GATAD2B: variants seen among roughly 807,000 people sequenced by gnomAD.
GATAD2B encodes transcriptional repressor p66-beta.
GATAD2B carries 8 observed loss-of-function variants against 64.3 expected under a neutral mutation model. The ratio of observed to expected loss-of-function variants is 0.12; its 90% CI spans 0.07 to 0.22. The LOEUF (loss-of-function observed/expected upper bound fraction) is 0.22. Ranked by LOEUF, GATAD2B falls within the 10% of genes least tolerant of loss-of-function variation. GATAD2B has a pLI of 1.00. For missense variants in GATAD2B, 453 were observed against 752.0 expected (o/e 0.60, Z 4.65); for synonymous variants, 281 against 271.3 (o/e 1.04, Z -0.35).
intron 1 of GATAD2B, among the ~76,000 whole-genome samples, chr1:153,912,313 T>G (rs1355834518): frequency 1.3e-5 from 2 of 152,188 alleles, no homozygotes; most frequent in African/African-American, 4.8e-5. Context: ...AAGGCTAAGT[T>G]GGTTGACACA....
At position 153,853,276 on chromosome 1, in the gene GATAD2B, C is replaced by T. The variant is rs959678641; in HGVS notation, c.-1-24928G>A. 9.7e-6 allele frequency: 9 copies of T among 928,784 alleles called. No homozygotes were observed. In the Admixed American group the frequency reaches 1.5e-4, roughly 16 times the overall value. The allele number at this position is 928,784 out of a possible 1,614,324, so 57.5% of individuals were successfully genotyped here. A position where few individuals can be genotyped will look rare whatever the true frequency, so the allele number is the denominator to read the frequency against. On this transcript the variant is annotated intron_variant, in intron 1 of 10. Transcript: ENST00000368655. ...TCACACCCTTCCCTGCCATCTCACA[C>T]ACAGACTTCAAGTAGGACACTGGTC...
At chr1:153,844,111 A>G (rs1675596792) in intron 1 of GATAD2B, among the ~76,000 whole-genome samples, 1 of 152,136 alleles carries the variant, frequency 6.6e-6, no homozygotes, top group Non-Finnish European at 1.5e-5. Context: ...GCTGCAGAGA[A>G]AGTCTCAGAA....
chr1:153,898,064 G>C (rs959288419), intron 1 of GATAD2B, among the ~76,000 whole-genome samples: 1 of 150,056 alleles, frequency 6.7e-6, no homozygotes, highest in Non-Finnish European at 1.5e-5. Context: ...AGCACTCTGG[G>C]AGGCTGAGGC....
At chr1:153,909,072 G>C (rs12023578) in intron 1 of GATAD2B, among the ~76,000 whole-genome samples, 1 of 151,944 alleles carries the variant, frequency 6.6e-6, no homozygotes, top group Admixed American at 6.6e-5. Context: ...GGGTATGGTG[G>C]CATGTGCCTG....
chr1:153,895,279 A>T (rs2101954312), intron 1 of GATAD2B, among the ~76,000 whole-genome samples: 1 of 152,028 alleles, frequency 6.6e-6, no homozygotes, highest in South Asian at 2.1e-4. Flanking sequence ...GGGTGCAGTG[A>T]GCCAAGATCG....
chr1:153,847,388 A>G (rs1675725543), intron 1 of GATAD2B, among the ~76,000 whole-genome samples: 2 of 152,166 alleles, frequency 1.3e-5, no homozygotes, highest in South Asian at 2.1e-4. Context: ...TAAGTAAAAA[A>G]GACCACATCT....
intron 2 of GATAD2B, among the ~76,000 whole-genome samples, chr1:153,820,969 A>G (rs1239452579): frequency 7.8e-6 from 1 of 127,718 alleles, no homozygotes; most frequent in Non-Finnish European, 1.6e-5. Flanking sequence ...CTGTTGGCAC[A>G]TGGAATTTTT....
At chr1:153,835,147 G>T (rs894578452) in intron 1 of GATAD2B, among the ~76,000 whole-genome samples, 1 of 152,018 alleles carries the variant, frequency 6.6e-6, no homozygotes, top group Admixed American at 6.6e-5. Flanking sequence ...AATTTGAATG[G>T]ATAAGGAGTT....
intron 1 of GATAD2B, among the ~76,000 whole-genome samples, chr1:153,871,973 TAATA>T (rs1348861653): frequency 6.6e-6 from 1 of 151,904 alleles, no homozygotes; most frequent in Admixed American, 6.6e-5. Context: ...ATTAGTAAAT[TAATA>T]AATAAAAGTT....
intron 1 of GATAD2B, among the ~76,000 whole-genome samples, chr1:153,869,400 T>C (rs1378019465): frequency 1.3e-5 from 2 of 152,168 alleles, no homozygotes; most frequent in Admixed American, 6.6e-5. Flanking sequence ...CAGAAAACAA[T>C]TGTTTTCTTT....
intron 1 of GATAD2B, chr1:153,889,671 C>G (rs991854208): frequency 1.2e-6 from 1 of 831,034 alleles, no homozygotes. Flanking sequence ...ATTTAAAATA[C>G]ACTCACATGT....
At chr1:153,815,153 G>T (rs1236248101) in intron 7 of GATAD2B, among the ~76,000 whole-genome samples, 1 of 140,610 alleles carries the variant, frequency 7.1e-6, no homozygotes, top group Admixed American at 7.4e-5. Flanking sequence ...CATACCAGTG[G>T]TCCCAGTTAC....
At position 153,818,078 on chromosome 1, in the gene GATAD2B, C is replaced by T; in HGVS notation, c.691G>A (p.Ala231Thr). Residue 231 changes from alanine to threonine, a missense_variant, in exon 5 of 11, where the codon GCC becomes ACC. Ala to Thr is a moderately conservative substitution (Grantham distance 58, BLOSUM62 0). Transcript: ENST00000368655. ...GLSKLPSRPGAQGVEPQNLRT... is the reference protein window; with the variant it reads ...GLSKLPSRPGTQGVEPQNLRT... ...AAATTTTGAGGTTCAACCCCTTGGG[C>T]CCCAGGCCGAGAGGGAAGCTTAGAT... 2 of 1,612,176 alleles carry T rather than the reference C, an allele frequency of 1.2e-6. No homozygotes were observed. Among genetic ancestry groups the T allele is most frequent in the Non-Finnish European group, 1.7e-6 (2 of 1,179,184 alleles).
At position 153,884,813 on chromosome 1, in the gene GATAD2B, A is replaced by G. The variant is rs551308413; in HGVS notation, c.-2+37920T>C. On this transcript the variant is annotated intron_variant, in intron 1 of 10. Transcript: ENST00000368655. ...CGCTCCGTTGCCCAGCTGGAGTGCA[A>G]TGGTGCGATCTCAGCTCACTGCAAC... 1.5e-3 allele frequency among the ~76,000 whole-genome samples: 227 copies of G among 151,368 alleles called. 2 individuals are homozygous for G. Among genetic ancestry groups the G allele is most frequent in the African/African-American group, 5.0e-3 (205 of 41,004 alleles).
rs1674181862 is a variant in GATAD2B at position 153,808,686 on chromosome 1, A to G, written c.*1491T>C. On this transcript the variant is annotated 3_prime_UTR_variant, in exon 11 of 11. Coordinates refer to ENST00000368655, the MANE Select transcript of GATAD2B (RefSeq NM_020699.4). ...TTAAGGGGCTTCCCTTACTTCAAAA[A>G]CAGCCTGGTCCACTCCGTCTTCCCA... The G allele has an allele frequency of 6.6e-6, 1 of 152,036 alleles. No homozygotes were observed. The highest frequency in any genetic ancestry group is 2.4e-5 in the African/African-American group (1 of 41,202). The allele number at this position is 152,036 out of a possible 1,614,324, so 9.4% of individuals were successfully genotyped here.
chr1:153,850,698 T>C (rs923506679), intron 1 of GATAD2B, among the ~76,000 whole-genome samples: 2 of 152,002 alleles, frequency 1.3e-5, no homozygotes, highest in Non-Finnish European at 2.9e-5. Flanking sequence ...CGCAGGCGGA[T>C]TGCTTGAGGT....
chr1:153,834,805 C>A (rs1675213146), intron 1 of GATAD2B, among the ~76,000 whole-genome samples: 1 of 151,952 alleles, frequency 6.6e-6, no homozygotes, highest in Non-Finnish European at 1.5e-5. Context: ...GTAGAAACAG[C>A]AAGAAAACTA....
intron 1 of GATAD2B, among the ~76,000 whole-genome samples, chr1:153,897,033 CTT>C (rs764620884): frequency 7.0e-5 from 10 of 142,454 alleles, no homozygotes; most frequent in Non-Finnish European, 6.1e-5. Flanking sequence ...TCTTAGAACA[CTT>C]TTTTTTTTTT....
chr1:153,814,977 C>CAAAAAAAAAAA (rs58167495), intron 7 of GATAD2B, among the ~76,000 whole-genome samples: 1 of 107,270 alleles, frequency 9.3e-6, no homozygotes. Context: ...GATTCCATCT[C>CAAAAAAAAAAA]AAAAAAAAAA....
Sources: gnomAD v4.1 joint callset for allele counts (sites outside exome capture counted in the v4.1 genomes callset) on GRCh38, gnomAD v4.1.1 for gene constraint, MANE v1.5 for transcripts, NCBI Gene and HGNC (gene_info 2026-07-23, HGNC 2026-07-21) for gene names.